MYBL2: variants seen among roughly 807,000 people sequenced by gnomAD.
MYBL2 encodes the protein myb-related protein B.
A neutral mutation model predicts 79.9 loss-of-function variants in MYBL2; 28 were observed. That is an observed-to-expected ratio of 0.35 (90% CI 0.26 to 0.48). MYBL2 has a LOEUF of 0.48. MYBL2 is among the 20% of genes least tolerant of loss of function. MYBL2 has a pLI of 0.99. For missense variants in MYBL2, 735 were observed against 893.9 expected (o/e 0.82, Z 2.27); for synonymous variants, 378 against 361.2 (o/e 1.05, Z -0.53).
At chr20:43,702,192 G>A (rs1020160141) in intron 7 of MYBL2, among the ~76,000 whole-genome samples, 3 of 152,118 alleles carry the variant, frequency 2.0e-5, no homozygotes, top group African/African-American at 4.8e-5. Flanking sequence ...CCAACTACTC[G>A]GGAGGCTGAG....
intron 10 of MYBL2, among the ~76,000 whole-genome samples, chr20:43,711,231 G>A (rs905872067): frequency 6.6e-5 from 10 of 152,210 alleles, no homozygotes; most frequent in Admixed American, 2.6e-4. Flanking sequence ...TTACTGCACA[G>A]GGCTGTGTGA....
rs889892339 is a variant in MYBL2, at chr20:43,709,845, G to T, written c.1506-118G>T. 5.1e-6 allele frequency: 4 copies of T among 785,762 alleles called. No homozygotes were observed. In the African/African-American group the frequency reaches 5.3e-5, roughly 10 times the overall value. The allele number at this position is 785,762 out of a possible 1,614,324, so 48.7% of individuals were successfully genotyped here. ...GACCTGCAGGGTGGGGAGAGGGATG[G>T]GACGAGAACCTGTGCTGGGGCCAAA... On this transcript the variant is annotated intron_variant, in intron 9 of 13. Transcript: ENST00000217026.
intron 6 of MYBL2, 142 bp from the exon 7 acceptor site, chr20:43,699,615 T>C (rs777207354): frequency 6.8e-6 from 6 of 881,346 alleles, no homozygotes; most frequent in Non-Finnish European, 1.0e-5. Context: ...GTATATGGTA[T>C]GGCTAATTAT....
chr20:43,674,555 T>A (rs1308945249), intron 2 of MYBL2, among the ~76,000 whole-genome samples: 1 of 144,828 alleles, frequency 6.9e-6, no homozygotes, highest in Non-Finnish European at 1.5e-5. Flanking sequence ...GCCCAGCTAA[T>A]TTTTTTTTTT....
At chr20:43,670,528 AT>A (rs1986831192) in intron 1 of MYBL2, among the ~76,000 whole-genome samples, 1 of 151,846 alleles carries the variant, frequency 6.6e-6, no homozygotes, top group Non-Finnish European at 1.5e-5. Context: ...TTTTTCATTT[AT>A]TTGTATATTC....
At chr20:43,691,566 A>C (rs1251490247) in intron 5 of MYBL2, among the ~76,000 whole-genome samples, 4 of 146,562 alleles carry the variant, frequency 2.7e-5, no homozygotes, top group Non-Finnish European at 6.0e-5. Context: ...TTGAGGTGGA[A>C]TTTTACTTTT....
chr20:43,691,947 T>C lies in MYBL2; in HGVS notation c.501-210T>C, dbSNP rs576192037. On this transcript the variant is annotated intron_variant, in intron 5 of 13. Coordinates refer to ENST00000217026, the MANE Select transcript of MYBL2 (RefSeq NM_002466.4). ...CCATAGCCTGAATGATTCAGTTGCT[T>C]ATTTCACAGAGCTTCGTGGAAATGC... 5.9e-5 allele frequency among the ~76,000 whole-genome samples: 9 copies of C among 152,264 alleles called. No homozygotes were observed. The East Asian group carries it at 1.7e-3, about 29-fold the overall frequency.
At chr20:43,671,961 G>A (rs1264287052) in intron 1 of MYBL2, among the ~76,000 whole-genome samples, 1 of 151,670 alleles carries the variant, frequency 6.6e-6, no homozygotes, top group African/African-American at 2.4e-5. Flanking sequence ...TGTAATCCCA[G>A]CCCGTTGGGA....
Position 43,689,624 on chromosome 20 carries a change from C to T in MYBL2, c.501-2533C>T, listed in dbSNP as rs548186686. ...TCTTCAGAGAAGTTTTCTCTGTTCT[C>T]CCAGACTGTGGTTGGTCTCTGGTGA... On this transcript the variant is annotated intron_variant, in intron 5 of 13. Coordinates refer to ENST00000217026, the MANE Select transcript of MYBL2 (RefSeq NM_002466.4). 7.2e-5 allele frequency among the ~76,000 whole-genome samples: 11 copies of T among 152,316 alleles called. No homozygotes were observed. The East Asian group carries it at 1.9e-3, about 27-fold the overall frequency.
chr20:43,670,960 C>CTTTTTTTTTTT (rs766959084), intron 1 of MYBL2, among the ~76,000 whole-genome samples: 3 of 144,658 alleles, frequency 2.1e-5, no homozygotes, highest in African/African-American at 8.0e-5. Flanking sequence ...CCTATGATTT[C>CTTTTTTTTTTT]TTTTTTTTCT....
chr20:43,695,822 G>T (rs530577944), intron 6 of MYBL2, among the ~76,000 whole-genome samples: 3 of 152,084 alleles, frequency 2.0e-5, no homozygotes, highest in Non-Finnish European at 2.9e-5. Flanking sequence ...CAGGCCAGGC[G>T]TCATGGCTTA....
chr20:43,698,709 C>T (rs978149607), intron 6 of MYBL2, among the ~76,000 whole-genome samples: 2 of 148,684 alleles, frequency 1.3e-5, no homozygotes, highest in Non-Finnish European at 1.5e-5. Context: ...TGCTCTGTAC[C>T]CCAGACTGTA....
At chr20:43,698,568 G>A (rs189465365) in intron 6 of MYBL2, among the ~76,000 whole-genome samples, 1,554 of 150,700 alleles carry the variant, frequency 0.01, 10 homozygotes, top group Non-Finnish European at 0.015. Context: ...TAGTAGAGAT[G>A]GGGTTTCACC....
chr20:43,707,894 A>T (rs1417308625), intron 9 of MYBL2, among the ~76,000 whole-genome samples: 1 of 151,754 alleles, frequency 6.6e-6, no homozygotes. Flanking sequence ...TATAGGCTGG[A>T]TTGGTCTCTG....
At chr20:43,677,288 C>T (rs887552738) in intron 2 of MYBL2, among the ~76,000 whole-genome samples, 6 of 152,172 alleles carry the variant, frequency 3.9e-5, no homozygotes, top group Admixed American at 1.3e-4. Flanking sequence ...TGGTCATCCG[C>T]GGCACCGGTA....
intron 2 of MYBL2, among the ~76,000 whole-genome samples, chr20:43,676,716 A>G (rs1017460227): frequency 8.5e-5 from 13 of 152,206 alleles, no homozygotes; most frequent in African/African-American, 2.7e-4. Flanking sequence ...TTAGTTTTAC[A>G]GAAACTGCCT....
chr20:43,692,721 C>T (rs1226099486), intron 6 of MYBL2, among the ~76,000 whole-genome samples: 2 of 152,074 alleles, frequency 1.3e-5, no homozygotes, highest in Admixed American at 1.3e-4. Flanking sequence ...ATTGCTCAAG[C>T]CCAGGAGTTG....
At chr20:43,675,602 T>C (rs1986986831) in intron 2 of MYBL2, among the ~76,000 whole-genome samples, 1 of 152,078 alleles carries the variant, frequency 6.6e-6, no homozygotes, top group Non-Finnish European at 1.5e-5. Context: ...CATGAGCCAC[T>C]ACGGTGAGCC....
chr20:43,705,185 C>T lies in MYBL2; in HGVS notation c.1366-34C>T, dbSNP rs368554072. The stretch of plus-strand genomic sequence containing the variant: ...TCTCAGGGATACTCATGCAGGTCAT[C>T]ATTTTGTCTTGTTCCCTCTCTCTTC... On this transcript the variant is annotated intron_variant, in intron 8 of 13. Coordinates refer to ENST00000217026, the MANE Select transcript of MYBL2 (RefSeq NM_002466.4). The T allele has an allele frequency of 3.7e-6, 6 of 1,610,038 alleles. No individual in the cohort carries two copies. In the South Asian group the frequency reaches 5.5e-5, roughly 15 times the overall value.
Sources: gnomAD v4.1 joint callset for allele counts (sites outside exome capture counted in the v4.1 genomes callset) on GRCh38, gnomAD v4.1.1 for gene constraint, MANE v1.5 for transcripts, NCBI Gene and HGNC (gene_info 2026-07-23, HGNC 2026-07-21) for gene names.